The following PLIN1 variants were observed in gnomAD, a reference collection of about 807,000 sequenced individuals.
The protein encoded by PLIN1 is perilipin-1.
Under a neutral mutation model 45.8 loss-of-function variants are expected in PLIN1, and 37 were observed. The observed-to-expected ratio is 0.81, with a 90% CI of 0.62 to 1.06. The LOEUF (loss-of-function observed/expected upper bound fraction) is 1.06. Among genes scored for constraint, PLIN1 ranks in the 50% least tolerant of loss-of-function variants. The pLI is 0.00. For synonymous variants in PLIN1, 340 were observed against 309.2 expected, an observed-to-expected ratio of 1.10 and a Z score of -1.05; for missense variants, 776 against 716.5, an observed-to-expected ratio of 1.08 and a Z score of -0.95.
chr15:89,676,227 A>G (rs1172559958), intron 2 of PLIN1, among the ~76,000 whole-genome samples: 1 of 151,808 alleles, frequency 6.6e-6, no homozygotes, highest in Non-Finnish European at 1.5e-5. Flanking sequence ...GCAGCCCACA[A>G]TATCTTAGTT....
Position 89,669,777 on chromosome 15 carries a change from A to C in PLIN1, c.599-105T>G. On this transcript the variant is annotated intron_variant, in intron 5 of 8. Transcript: ENST00000300055. The stretch of plus-strand genomic sequence containing the variant: ...AAAGTAGGTGTTCTAGGTCCACCAC[A>C]AACTCACTGGTGAGTTCCACAACTC... 21 of 1,082,724 alleles carry C rather than the reference A, an allele frequency of 1.9e-5. No individual in the cohort carries two copies. The South Asian group carries it at 2.7e-4, about 14-fold the overall frequency. The allele number at this position is 1,082,724 out of a possible 1,614,324, so 67.1% of individuals were successfully genotyped here. A position where few individuals can be genotyped will look rare whatever the true frequency, so the allele number is the denominator to read the frequency against.
rs574652644 is a variant in PLIN1, at chr15:89,671,708, G to A, written c.251-144C>T. ...AGCATCTCTGGGCCCCAGGCCCTTT[G>A]CCCTCTTTCGCCCTTGTCTGCAGGG... On this transcript the variant is annotated intron_variant, in intron 3 of 8. Transcript: ENST00000300055. The A allele has an allele frequency of 2.3e-4, 163 of 710,418 alleles. 1 individual carries two copies. The highest frequency in any genetic ancestry group is 3.5e-4 in the Non-Finnish European group (135 of 387,440). The allele number at this position is 710,418 out of a possible 1,614,324, so 44.0% of individuals were successfully genotyped here.
chr15:89,667,267 C>A (rs1165905391), intron 7 of PLIN1, 86 bp from the exon 8 acceptor site: 1 of 1,556,482 alleles, frequency 6.4e-7, no homozygotes. Flanking sequence ...GAGGGGAAAG[C>A]ATGAGAATAC....
chr15:89,665,803 G>T lies in PLIN1; in HGVS notation c.1349C>A (p.Ala450Glu). Residue 450 changes from alanine (A) to glutamate (E), a missense_variant, in exon 9 of 9, where the codon GCA becomes GAA. Ala to Glu is a moderately radical substitution (Grantham distance 107). Transcript: ENST00000300055. The part of the protein sequence containing the change: ...SAGPEPAPRL[A>E]QPRRSLRSAQ... ...GCTGCGCAGGCTGCGGCGGGGCTGT[G>T]CGAGACGCGGGGCGGGCTCCGGGCC... 1 of 1,352,864 alleles carries T rather than the reference G, an allele frequency of 7.4e-7. No homozygotes were observed. The highest frequency in any genetic ancestry group is 9.5e-7 in the Non-Finnish European group (1 of 1,052,222). 83.8% of individuals were successfully genotyped at this position (1,352,864 alleles called of 1,614,324 possible).
At chr15:89,669,441 T>G in intron 6 of PLIN1, 59 bp downstream of exon 6, 1 of 1,390,666 alleles carries the variant, frequency 7.2e-7, no homozygotes, top group Non-Finnish European at 1.0e-6. Flanking sequence ...TGGGAGGGAC[T>G]AGGAGGCCCA....
chr15:89,670,349 C>T (rs2141531716), intron 4 of PLIN1, 105 bp from the exon 5 acceptor site: 3 of 1,187,924 alleles, frequency 2.5e-6, no homozygotes, highest in Non-Finnish European at 2.4e-6. Context: ...GAAGGCATCA[C>T]CTAAAGGCCC....
chr15:89,674,359 C>T (rs1033009235), intron 2 of PLIN1, among the ~76,000 whole-genome samples: 1 of 152,212 alleles, frequency 6.6e-6, no homozygotes, highest in Admixed American at 6.5e-5. Context: ...TGGGCTCAAA[C>T]AGTCCCCACA....
At chr15:89,675,493 G>T (rs1342594856) in intron 2 of PLIN1, among the ~76,000 whole-genome samples, 1 of 150,858 alleles carries the variant, frequency 6.6e-6, no homozygotes, top group Non-Finnish European at 1.5e-5. Flanking sequence ...CACAGTCCCA[G>T]CTGCTGGGGA....
chr15:89,665,580 G>A lies in PLIN1; in HGVS notation c.*3C>T, dbSNP rs1244692794. The stretch of plus-strand genomic sequence containing the variant: ...CCCGGGGCGCGGCGGCTGGTGCGGC[G>A]ACTCAGCTCTTCTTGCGCAGCTGGC... On this transcript the variant is annotated 3_prime_UTR_variant, in exon 9 of 9. Coordinates refer to ENST00000300055, the MANE Select transcript of PLIN1 (RefSeq NM_002666.5). 1 of 1,527,414 alleles carries A rather than the reference G, an allele frequency of 6.5e-7. No individual in the cohort carries two copies. The highest frequency in any genetic ancestry group is 2.5e-5 in the East Asian group (1 of 39,650). 94.6% of individuals were successfully genotyped at this position (1,527,414 alleles called of 1,614,324 possible). A position where few individuals can be genotyped will look rare whatever the true frequency, so the allele number is the denominator to read the frequency against.
Position 89,665,861 on chromosome 15 carries a change from C to A in PLIN1, c.1291G>T (p.Ala431Ser), listed in dbSNP as rs1218778712. The change falls in exon 9 of 9, where the codon GCG (alanine) becomes TCG (serine). Residue 431 changes from alanine to serine, a missense_variant. Coordinates refer to ENST00000300055, the MANE Select transcript of PLIN1 (RefSeq NM_002666.5). ...NPPAEVERREAERRASGAPSA... is the reference protein window; with the variant it reads ...NPPAEVERRESERRASGAPSA... ...GGCGCCCCAGACGCTCTGCGCTCCG[C>A]CTCCCGGCGCTCGACCTCGGCTGGT... 2.0e-6 allele frequency: 3 copies of A among 1,499,338 alleles called. No homozygotes were observed. In the East Asian group the frequency reaches 8.2e-5, roughly 41 times the overall value. The allele number at this position is 1,499,338 out of a possible 1,614,324, so 92.9% of individuals were successfully genotyped here.
At chr15:89,666,332 C>T (rs28570433) in intron 8 of PLIN1, among the ~76,000 whole-genome samples, 1,887 of 152,176 alleles carry the variant, frequency 0.012, 40 homozygotes, top group African/African-American at 0.042. Context: ...GCTAAGATCC[C>T]TGGCATGCTG....
At chr15:89,673,474 TGA>T in intron 2 of PLIN1, 60 bp from the exon 3 acceptor site, 1 of 1,403,536 alleles carries the variant, frequency 7.1e-7, no homozygotes, top group Non-Finnish European at 9.9e-7. Context: ...CCCGGGAAGC[TGA>T]CCCCGGGGTC....
chr15:89,665,912 T>C lies in PLIN1; in HGVS notation c.1240A>G (p.Ser414Gly), dbSNP rs1325667843. 1 of 1,535,124 alleles carries C rather than the reference T, an allele frequency of 6.5e-7. No homozygotes were observed. The highest frequency in any genetic ancestry group is 1.2e-5 in the South Asian group (1 of 83,110). Reference sequence around the variant, plus strand: ...GGGTTGTCGATGTCCCGGAATTCGCTCTCGGGCTCCATCAGCGACAGCCTG... The same window carrying C: ...GGGTTGTCGATGTCCCGGAATTCGCCCTCGGGCTCCATCAGCGACAGCCTG... ...LPRLSLMEPESEFRDIDNPPA... is the reference protein window; with the variant it reads ...LPRLSLMEPEGEFRDIDNPPA... The change falls in exon 9 of 9, where the codon AGC (serine) becomes GGC (glycine). Residue 414 changes from serine to glycine, a missense_variant. Transcript: ENST00000300055.
chr15:89,666,931 C>G lies in PLIN1; in HGVS notation c.1209+5G>C. 1.2e-6 allele frequency: 2 copies of G among 1,613,918 alleles called. No individual in the cohort carries two copies. The highest frequency in any genetic ancestry group is 2.2e-5 in the South Asian group (2 of 91,062). ...CACTAACAGTTTGCCAGGGGTGGTA[C>G]TCACCGGCACGTAATGCACCACTGT... is the stretch of plus-strand genomic sequence containing the variant. On this transcript the variant is annotated splice_donor_5th_base_variant and intron_variant, in intron 8 of 8. Coordinates refer to ENST00000300055, the MANE Select transcript of PLIN1 (RefSeq NM_002666.5).
chr15:89,671,145 AG>A (rs1448330088), intron 4 of PLIN1, among the ~76,000 whole-genome samples: 1 of 152,180 alleles, frequency 6.6e-6, no homozygotes, highest in Non-Finnish European at 1.5e-5. Flanking sequence ...TCATGATCTT[AG>A]GCAGCTGTAG....
In PLIN1 at chr15:89,664,680, G is replaced by A. The variant is rs950638481; in HGVS notation, c.*903C>T. 19 of 374,724 alleles carry A rather than the reference G, an allele frequency of 5.1e-5. No individual in the cohort carries two copies. Among genetic ancestry groups the A allele is most frequent in the Admixed American group, 9.6e-5 (3 of 31,292 alleles). The allele number at this position is 374,724 out of a possible 1,614,324, so 23.2% of individuals were successfully genotyped here. A position where few individuals can be genotyped will look rare whatever the true frequency, so the allele number is the denominator to read the frequency against. ...CCCTGCATACACAAGAGATGGCACC[G>A]TGGTGGTTTTCAATGAAGGGGAACA... On this transcript the variant is annotated 3_prime_UTR_variant, in exon 9 of 9. Transcript: ENST00000300055.
In PLIN1 at chr15:89,665,709, G is replaced by C. The variant is rs1964324241; in HGVS notation, c.1443C>G (p.Arg481=). 2 of 1,467,714 alleles carry C rather than the reference G, an allele frequency of 1.4e-6. No individual in the cohort carries two copies. The highest frequency in any genetic ancestry group is 2.9e-5 in the African/African-American group (2 of 68,292). 90.9% of individuals were successfully genotyped at this position (1,467,714 alleles called of 1,614,324 possible). A position where few individuals can be genotyped will look rare whatever the true frequency, so the allele number is the denominator to read the frequency against. The change falls in exon 9 of 9, where the codon CGC becomes CGG. Residue 481 remains arginine (R), a synonymous_variant. Transcript: ENST00000300055. ...CGCGGGGCACGGCCGGGAAGCCCGGGCGCGGCGCTGCGGGCGTGGCGACTT... is the reference window on the plus strand; with the variant it reads ...CGCGGGGCACGGCCGGGAAGCCCGGCCGCGGCGCTGCGGGCGTGGCGACTT... ...EDEVATPAAP[R]PGFPAVPREK...
At position 89,665,477 on chromosome 15, in the gene PLIN1, C is replaced by T; in HGVS notation, c.*106G>A. ...GCATCATCAGGATGAGGCTGAGCTC[C>T]CCAGGGGACCACTTTGAAAGTGGCA... On this transcript the variant is annotated 3_prime_UTR_variant, in exon 9 of 9. Transcript: ENST00000300055. 1 of 1,098,662 alleles carries T rather than the reference C, an allele frequency of 9.1e-7. No homozygotes were observed. The highest frequency in any genetic ancestry group is 1.3e-6 in the Non-Finnish European group (1 of 781,520). The allele number at this position is 1,098,662 out of a possible 1,614,324, so 68.1% of individuals were successfully genotyped here. A position where few individuals can be genotyped will look rare whatever the true frequency, so the allele number is the denominator to read the frequency against.
At position 89,670,031 on chromosome 15, in the gene PLIN1, TGCC is replaced by T; in HGVS notation, c.544_546del (p.Gly182del). 6.2e-7 allele frequency: 1 copy of T among 1,613,880 alleles called. No homozygotes were observed. Among genetic ancestry groups the T allele is most frequent in the African/African-American group, 1.3e-5 (1 of 75,034 alleles). Reference sequence around the variant, plus strand: ...AGGTACTCCACCACCTTCTCAATGCTGCCCAAGGCCAAGTCGGCCCCTCCAGAA... The same window carrying T: ...AGGTACTCCACCACCTTCTCAATGCTCAAGGCCAAGTCGGCCCCTCCAGAA... On this transcript the variant is annotated inframe_deletion, in exon 5 of 9. Transcript: ENST00000300055.
Sources: allele counts gnomAD v4.1 joint callset (sites outside exome capture counted in the v4.1 genomes callset), GRCh38; gene constraint gnomAD v4.1.1; transcripts MANE v1.5; gene names NCBI Gene and HGNC (gene_info 2026-07-23, HGNC 2026-07-21).